MSS51: variants seen among roughly 807,000 people sequenced by gnomAD.
MSS51 encodes the protein putative protein MSS51 homolog, mitochondrial.
In MSS51, 32 loss-of-function variants were observed where a neutral mutation model predicts 40.2. The observed-to-expected ratio is 0.80, with a 90% CI of 0.60 to 1.07. The LOEUF is 1.07. Ranked by LOEUF, MSS51 falls within the 50% of genes least tolerant of loss-of-function variation. The pLI, the probability that MSS51 is intolerant of heterozygous loss-of-function variation, is 0.00. For missense variants in MSS51, 518 were observed against 568.9 expected (o/e 0.91, Z 0.91); for synonymous variants, 178 against 214.2 (o/e 0.83, Z 1.48).
At chr10:73,426,973 A>G (rs1005767288) in intron 3 of MSS51, among the ~76,000 whole-genome samples, 1 of 152,118 alleles carries the variant, frequency 6.6e-6, no homozygotes, top group South Asian at 2.1e-4. Context: ...CTCACTTTTT[A>G]TATCACTTTT....
At chr10:73,429,664 T>C (rs1377480795) in intron 1 of MSS51, 3 of 456,306 alleles carry the variant, frequency 6.6e-6, no homozygotes, top group Non-Finnish European at 1.3e-5. Context: ...CCCTGTCTCA[T>C]CTTCTGCCAT....
chr10:73,429,981 GA>G (rs1179323372), intron 1 of MSS51, among the ~76,000 whole-genome samples: 2 of 152,094 alleles, frequency 1.3e-5, no homozygotes, highest in Admixed American at 6.5e-5. Context: ...AGTTGGAATA[GA>G]CCTTGAAAGA....
In MSS51 at chr10:73,425,936, G is replaced by C; in HGVS notation, c.944C>G (p.Thr315Ser). The stretch of plus-strand genomic sequence containing the variant: ...AATTGTGCCAGGTTCCAGGGGTGAA[G>C]TTGAGGTGCTCTGTGAAAAGCCAGT... ...VATGFSQSTS[T>S]SPLEPGTIQL... Residue 315 changes from threonine (T) to serine (S), a missense_variant, in exon 5 of 7, where the codon ACT becomes AGT. Coordinates refer to ENST00000299432, the MANE Select transcript of MSS51 (RefSeq NM_001024593.2). 2 of 1,614,204 alleles carry C rather than the reference G, an allele frequency of 1.2e-6. No homozygotes were observed.
intron 6 of MSS51, 33 bp from the exon 7 acceptor site, chr10:73,424,805 T>C: frequency 6.5e-7 from 1 of 1,547,904 alleles, no homozygotes; most frequent in Non-Finnish European, 8.9e-7. Flanking sequence ...ATTACTCTAC[T>C]GATTGTGACA....
At chr10:73,425,777 C>T (rs766275288) in intron 5 of MSS51, 34 bp downstream of exon 5, 1 of 1,554,628 alleles carries the variant, frequency 6.4e-7, no homozygotes, top group South Asian at 1.2e-5. Context: ...CTCAGGGGAG[C>T]CACCCTCTAT....
At position 73,424,524 on chromosome 10, in the gene MSS51, C is replaced by T. The variant is rs1240132538; in HGVS notation, c.*29G>A. On this transcript the variant is annotated 3_prime_UTR_variant, in exon 7 of 7. Transcript: ENST00000299432. ...CAGGGTAATTTCATCACAAACTCCCCGTTTTCCAGATGTCCAGTTATGATC... is the reference window on the plus strand; with the variant it reads ...CAGGGTAATTTCATCACAAACTCCCTGTTTTCCAGATGTCCAGTTATGATC... The T allele has an allele frequency of 2.6e-6, 4 of 1,550,770 alleles. No homozygotes were observed. The highest frequency in any genetic ancestry group is 2.2e-5 in the South Asian group (2 of 89,678).
At chr10:73,425,233 G>A (rs761496299) in intron 5 of MSS51, 42 bp from the exon 6 acceptor site, 13 of 1,338,016 alleles carry the variant, frequency 9.7e-6, no homozygotes, top group Admixed American at 6.3e-5. Flanking sequence ...AAAGACTAAA[G>A]CAGACCCTAA....
rs140439809 is a variant in MSS51 at position 73,427,625 on chromosome 10, C to G, written c.365G>C (p.Arg122Pro). The change falls in exon 3 of 7, where the codon CGG becomes CCG. Residue 122 changes from arginine to proline, a missense_variant. Coordinates refer to ENST00000299432, the MANE Select transcript of MSS51 (RefSeq NM_001024593.2). ...PSGLSDSKVLRHCKRCRNVYY... is the reference protein window; with the variant it reads ...PSGLSDSKVLPHCKRCRNVYY... ...CCCAACAAGTCACCTCTTACAGTGC[C>G]GGAGAACCTTGGAGTCTGAAAGCCC... 38 of 1,611,286 alleles carry G rather than the reference C, an allele frequency of 2.4e-5. No homozygotes were observed. Among genetic ancestry groups the G allele is most frequent in the Non-Finnish European group, 3.2e-5 (38 of 1,178,082 alleles).
Position 73,423,925 on chromosome 10 carries a change from C to G in MSS51, c.*628G>C, listed in dbSNP as rs1004994443. On this transcript the variant is annotated 3_prime_UTR_variant, in exon 7 of 7. Coordinates refer to ENST00000299432, the MANE Select transcript of MSS51 (RefSeq NM_001024593.2). Reference sequence around the variant, plus strand: ...TCAGAAGAATAAGGTGGTTCTCATTCTTTTTCTCAGTGCCATCTGGTTCCA... The same window carrying G: ...TCAGAAGAATAAGGTGGTTCTCATTGTTTTTCTCAGTGCCATCTGGTTCCA... 3 of 152,254 alleles carry G rather than the reference C, an allele frequency of 2.0e-5. No homozygotes were observed. The highest frequency in any genetic ancestry group is 4.4e-5 in the Non-Finnish European group (3 of 68,068). 9.4% of individuals were successfully genotyped at this position (152,254 alleles called of 1,614,324 possible).
intron 1 of MSS51, among the ~76,000 whole-genome samples, chr10:73,428,979 C>T (rs1213778775): frequency 3.3e-5 from 5 of 150,208 alleles, no homozygotes; most frequent in South Asian, 2.1e-4. Context: ...CTGAGGCGGG[C>T]GGATCACCTG....
intron 1 of MSS51, among the ~76,000 whole-genome samples, chr10:73,433,128 C>T (rs1282701982): frequency 6.6e-6 from 1 of 152,000 alleles, no homozygotes; most frequent in African/African-American, 2.4e-5. Flanking sequence ...AAACTTTTAT[C>T]CTTCATGTCC....
chr10:73,427,917 TTATAGTAA>T (rs2056001443), intron 2 of MSS51, 139 bp downstream of exon 2: 3 of 1,210,752 alleles, frequency 2.5e-6, no homozygotes, highest in South Asian at 1.5e-5. Context: ...GTTTCTTCTT[TTATAGTAA>T]TATAGTAACT....
At chr10:73,430,915 T>C (rs1564542491) in intron 1 of MSS51, among the ~76,000 whole-genome samples, 1 of 152,142 alleles carries the variant, frequency 6.6e-6, no homozygotes, top group Non-Finnish European at 1.5e-5. Flanking sequence ...GATATAAATA[T>C]ACATATGAAG....
In MSS51 at chr10:73,424,634, A is replaced by G. The variant is rs1380093197; in HGVS notation, c.1302T>C (p.Ser434=). ...SSPNKQPVYC[S]AYYIMFLGSS... ...TTCCAAGAAACATGATATAGTATGC[A>G]CTGCAGTATACTGGCTGCTTGTTGG... The change falls in exon 7 of 7, where the codon AGT becomes AGC. Residue 434 remains serine (S), a synonymous_variant. Transcript: ENST00000299432. The G allele has an allele frequency of 6.2e-7, 1 of 1,614,122 alleles. No individual in the cohort carries two copies. The highest frequency in any genetic ancestry group is 2.2e-5 in the East Asian group (1 of 44,872).
At chr10:73,431,667 T>C (rs2056029953) in intron 1 of MSS51, among the ~76,000 whole-genome samples, 1 of 152,236 alleles carries the variant, frequency 6.6e-6, no homozygotes, top group Non-Finnish European at 1.5e-5. Flanking sequence ...CTTTGTACTT[T>C]CTATCTCCTC....
rs754127668 is a variant in MSS51 at position 73,424,519 on chromosome 10, C to G, written c.*34G>C. The G allele has an allele frequency of 6.6e-7, 1 of 1,523,104 alleles. No individual in the cohort carries two copies. Among genetic ancestry groups the G allele is most frequent in the Non-Finnish European group, 9.1e-7 (1 of 1,098,474 alleles). 94.3% of individuals were successfully genotyped at this position (1,523,104 alleles called of 1,614,324 possible). A position where few individuals can be genotyped will look rare whatever the true frequency, so the allele number is the denominator to read the frequency against. On this transcript the variant is annotated 3_prime_UTR_variant, in exon 7 of 7. Coordinates refer to ENST00000299432, the MANE Select transcript of MSS51 (RefSeq NM_001024593.2). The stretch of plus-strand genomic sequence containing the variant: ...ATTAGCAGGGTAATTTCATCACAAA[C>G]TCCCCGTTTTCCAGATGTCCAGTTA...
chr10:73,424,611 C>T lies in MSS51; in HGVS notation c.1325G>A (p.Gly442Glu). ...CCTATTATCCAGCTGACAGGAGCTT[C>T]CAAGAAACATGATATAGTATGCACT... ...YCSAYYIMFL[G>E]SSCQLDNRQL... Residue 442 changes from glycine (G) to glutamate (E), a missense_variant, in exon 7 of 7, where the codon GGA (glycine) becomes GAA (glutamate). Coordinates refer to ENST00000299432, the MANE Select transcript of MSS51 (RefSeq NM_001024593.2). 3.1e-6 allele frequency: 5 copies of T among 1,614,086 alleles called. No homozygotes were observed. The highest frequency in any genetic ancestry group is 4.2e-6 in the Non-Finnish European group (5 of 1,179,998).
chr10:73,426,668 C>G lies in MSS51; in HGVS notation c.441G>C (p.Arg147Ser), dbSNP rs140771191. ...CQKSDWPAHR[R>S]VCQELRLVAV... ...CCACAAGACGAAGCTCTTGACAAAC[C>G]CTCCTGTGTGCGGGCCAGTCTGACT... Residue 147 changes from arginine (R) to serine (S), a missense_variant, in exon 4 of 7, where the codon AGG (arginine) becomes AGC (serine). Arg to Ser is a moderately radical substitution (Grantham distance 110, BLOSUM62 -1). Coordinates refer to ENST00000299432, the MANE Select transcript of MSS51 (RefSeq NM_001024593.2). 2.5e-6 allele frequency: 4 copies of G among 1,614,212 alleles called. No individual in the cohort carries two copies. The highest frequency in any genetic ancestry group is 2.5e-6 in the Non-Finnish European group (3 of 1,180,036).
chr10:73,424,331 C>T lies in MSS51; in HGVS notation c.*222G>A. On this transcript the variant is annotated 3_prime_UTR_variant, in exon 7 of 7. Coordinates refer to ENST00000299432, the MANE Select transcript of MSS51 (RefSeq NM_001024593.2). ...GGCGGAGGCTGCAGTGAGTCGAGAT[C>T]ATGCCGCTGCACTCCAGCCTGGGCA... 4 of 484,918 alleles carry T rather than the reference C, an allele frequency of 8.2e-6. No individual in the cohort carries two copies. The highest frequency in any genetic ancestry group is 1.5e-5 in the Non-Finnish European group (4 of 266,328). The allele number at this position is 484,918 out of a possible 1,614,324, so 30.0% of individuals were successfully genotyped here. A position where few individuals can be genotyped will look rare whatever the true frequency, so the allele number is the denominator to read the frequency against.
Sources: allele counts gnomAD v4.1 joint callset (sites outside exome capture counted in the v4.1 genomes callset), GRCh38; gene constraint gnomAD v4.1.1; transcripts MANE v1.5; gene names NCBI Gene and HGNC (gene_info 2026-07-23, HGNC 2026-07-21).